The following MYO18B variants were observed in gnomAD, a reference collection of about 807,000 sequenced individuals.
MYO18B encodes unconventional myosin-XVIIIb.
In MYO18B, 204 loss-of-function variants were observed where a neutral mutation model predicts 273.0. That is an observed-to-expected ratio of 0.75 (90% CI 0.67 to 0.84). MYO18B has a LOEUF of 0.84. MYO18B is among the 40% of genes least tolerant of loss of function. MYO18B has a pLI of 0.00. For synonymous variants in MYO18B, 1,330 were observed against 1,305.7 expected, an observed-to-expected ratio of 1.02 and a Z score of -0.40; for missense variants, 3,212 against 3,287.6, an observed-to-expected ratio of 0.98 and a Z score of 0.56.
downstream of MYO18B, chr22:26,031,149 T>C (rs1936656468): frequency 1.0e-5 from 4 of 388,476 alleles, no homozygotes; most frequent in Non-Finnish European, 1.8e-5. Flanking sequence ...AGCTAGCATA[T>C]GTGTGCCCAC....
intron 22 of MYO18B, among the ~76,000 whole-genome samples, chr22:25,871,572 G>T (rs1421950676): frequency 6.6e-6 from 1 of 152,094 alleles, no homozygotes; most frequent in Non-Finnish European, 1.5e-5. Context: ...GTCCCCCGTG[G>T]ATTCCTTAAA....
At chr22:25,917,130 G>T (rs2092272969) in intron 33 of MYO18B, among the ~76,000 whole-genome samples, 1 of 152,160 alleles carries the variant, frequency 6.6e-6, no homozygotes, top group South Asian at 2.1e-4. Context: ...CATGGCAAAT[G>T]AATCAACCTT....
At chr22:25,994,993 G>A (rs745546386) in intron 40 of MYO18B, among the ~76,000 whole-genome samples, 3 of 152,190 alleles carry the variant, frequency 2.0e-5, no homozygotes, top group Non-Finnish European at 2.9e-5. Flanking sequence ...ATGCTTGAAG[G>A]GTGGGTGACA....
chr22:25,893,927 ACATCCATC>A (rs61392072), intron 27 of MYO18B, among the ~76,000 whole-genome samples: 5 of 150,806 alleles, frequency 3.3e-5, no homozygotes, highest in African/African-American at 7.3e-5. Flanking sequence ...GTCTACACTA[ACATCCATC>A]CATCCATCCA....
chr22:25,849,344 T>G (rs777519383), intron 20 of MYO18B, among the ~76,000 whole-genome samples: 1 of 152,248 alleles, frequency 6.6e-6, no homozygotes, highest in Non-Finnish European at 1.5e-5. Context: ...TTCTGTCTCC[T>G]AGACCTGGTT....
chr22:25,874,191 G>A lies in MYO18B; in HGVS notation c.3952-95G>A, dbSNP rs996891849. 6 of 1,447,420 alleles carry A rather than the reference G, an allele frequency of 4.1e-6. No homozygotes were observed. The African/African-American group carries it at 5.7e-5, about 14-fold the overall frequency. The allele number at this position is 1,447,420 out of a possible 1,614,324, so 89.7% of individuals were successfully genotyped here. On this transcript the variant is annotated intron_variant, in intron 22 of 43. Transcript: ENST00000335473. ...CAACTGCCAACAAATATTGCAGGTGGGTGCAAGAGAAGTGGGGTCTGATTT... is the reference window on the plus strand; with the variant it reads ...CAACTGCCAACAAATATTGCAGGTGAGTGCAAGAGAAGTGGGGTCTGATTT...
At chr22:25,922,839 T>C (rs975428315) in intron 34 of MYO18B, among the ~76,000 whole-genome samples, 8 of 152,210 alleles carry the variant, frequency 5.3e-5, no homozygotes, top group African/African-American at 1.4e-4. Flanking sequence ...TTTCTATCTG[T>C]AAAACAAAAC....
intron 39 of MYO18B, among the ~76,000 whole-genome samples, chr22:25,957,735 G>A (rs1818276601): frequency 6.6e-6 from 1 of 152,024 alleles, no homozygotes; most frequent in South Asian, 2.1e-4. Context: ...TCCTTGGTTT[G>A]CGGCTGCCTC....
intron 17 of MYO18B, among the ~76,000 whole-genome samples, chr22:25,835,726 C>G (rs2089875970): frequency 6.6e-6 from 1 of 152,232 alleles, no homozygotes; most frequent in African/African-American, 2.4e-5. Flanking sequence ...CATGCGTGCA[C>G]AGTGAGCCTG....
At chr22:25,803,736 G>A (rs1362157327) in intron 12 of MYO18B, among the ~76,000 whole-genome samples, 1 of 152,132 alleles carries the variant, frequency 6.6e-6, no homozygotes, top group Admixed American at 6.5e-5. Context: ...AGGGTGAGGA[G>A]TGATGAAACG....
At chr22:25,846,762 G>A (rs2090258726) in intron 19 of MYO18B, among the ~76,000 whole-genome samples, 1 of 152,202 alleles carries the variant, frequency 6.6e-6, no homozygotes, top group African/African-American at 2.4e-5. Flanking sequence ...AGAATGGGCT[G>A]AGACAAGGGA....
chr22:25,964,519 G>T (rs1377188360), intron 39 of MYO18B, among the ~76,000 whole-genome samples: 1 of 152,108 alleles, frequency 6.6e-6, no homozygotes, highest in Admixed American at 6.5e-5. Flanking sequence ...TAATGTAGAG[G>T]TTCTCAACCT....
intron 21 of MYO18B, among the ~76,000 whole-genome samples, chr22:25,860,364 CTA>C (rs2090695176): frequency 6.6e-6 from 1 of 152,122 alleles, no homozygotes; most frequent in African/African-American, 2.4e-5. Context: ...GATTTCCACT[CTA>C]TGTTACTTCC....
intron 11 of MYO18B, among the ~76,000 whole-genome samples, chr22:25,792,825 C>G (rs549030745): frequency 2.0e-5 from 3 of 150,500 alleles, no homozygotes; most frequent in African/African-American, 7.5e-5. Flanking sequence ...AGCTCCCGTT[C>G]CGGGAGGCAG....
intron 42 of MYO18B, among the ~76,000 whole-genome samples, chr22:26,021,843 C>T (rs1225457873): frequency 3.9e-5 from 6 of 152,186 alleles, no homozygotes; most frequent in South Asian, 2.1e-4. Flanking sequence ...TTTGCTCTCT[C>T]CTATATTCCT....
chr22:26,000,625 C>T (rs890219934), intron 40 of MYO18B, among the ~76,000 whole-genome samples: 10 of 148,358 alleles, frequency 6.7e-5, no homozygotes, highest in South Asian at 2.1e-4. Flanking sequence ...GGCTTCATTG[C>T]GGATCATCTC....
intron 39 of MYO18B, chr22:25,983,375 TAAAA>T (rs150712348): frequency 6.6e-6 from 1 of 151,432 alleles, no homozygotes; most frequent in Non-Finnish European, 1.5e-5. Context: ...TCTCTAAAAT[TAAAA>T]AAAAATTCAT....
intron 10 of MYO18B, among the ~76,000 whole-genome samples, chr22:25,782,280 C>T (rs17624687): frequency 0.089 from 13,614 of 152,296 alleles, 792 homozygotes; most frequent in Middle Eastern, 0.15. Flanking sequence ...CATGTCAGTA[C>T]TGGCCCTGGC....
intron 3 of MYO18B, among the ~76,000 whole-genome samples, chr22:25,764,764 G>A (rs775798210): frequency 6.6e-6 from 1 of 152,228 alleles, no homozygotes; most frequent in Admixed American, 6.5e-5. Flanking sequence ...ATGATGAAAT[G>A]TTACTGTGTG....
Sources: allele counts gnomAD v4.1 joint callset (sites outside exome capture counted in the v4.1 genomes callset), GRCh38; gene constraint gnomAD v4.1.1; transcripts MANE v1.5; gene names NCBI Gene and HGNC (gene_info 2026-07-23, HGNC 2026-07-21).